Variants in MITF observed in about 807,000 individuals in gnomAD.
The protein encoded by MITF is microphthalmia-associated transcription factor.
A neutral mutation model predicts 60.5 loss-of-function variants in MITF; 17 were observed. The observed-to-expected ratio is 0.28, with a 90% CI of 0.19 to 0.42. The LOEUF (loss-of-function observed/expected upper bound fraction) is 0.42. MITF is among the 10% of genes least tolerant of loss of function. The pLI is 1.00. For synonymous variants in MITF, 260 were observed against 248.5 expected, an observed-to-expected ratio of 1.05 and a Z score of -0.43; for missense variants, 622 against 683.5, an observed-to-expected ratio of 0.91 and a Z score of 1.00.
chr3:69,932,112 T>TCC (rs2065737574), intron 2 of MITF, among the ~76,000 whole-genome samples: 1 of 152,206 alleles, frequency 6.6e-6, no homozygotes, highest in Non-Finnish European at 1.5e-5. Flanking sequence ...AAAACTTCTG[T>TCC]TGAGTAGGAA....
chr3:69,816,832 C>G (rs563325645), intron 1 of MITF, among the ~76,000 whole-genome samples: 2 of 152,082 alleles, frequency 1.3e-5, no homozygotes, highest in South Asian at 2.1e-4. Context: ...TGGTGGTGGT[C>G]GTGGTATTCA....
chr3:69,770,955 G>A (rs916327779), intron 1 of MITF, among the ~76,000 whole-genome samples: 3 of 152,132 alleles, frequency 2.0e-5, no homozygotes, highest in African/African-American at 7.2e-5. Context: ...GTATCCGAAG[G>A]TGGCCACATT....
chr3:69,889,025 G>GTTTTTTTTTTTTTTTTTTT (rs4057977), intron 2 of MITF, among the ~76,000 whole-genome samples: 1 of 58,816 alleles, frequency 1.7e-5, no homozygotes, highest in Non-Finnish European at 3.2e-5. Context: ...ATAGCCTTTG[G>GTTTTTTTTTTTTTTTTTTT]TTTTTTTTTT....
chr3:69,870,416 A>ATG (rs1009452684), intron 1 of MITF, among the ~76,000 whole-genome samples: 12 of 147,782 alleles, frequency 8.1e-5, no homozygotes, highest in African/African-American at 2.7e-4. Flanking sequence ...GTATATATAT[A>ATG]TGTGTGTGTA....
At position 69,803,282 on chromosome 3, in the gene MITF, C is replaced by T. The variant is rs111448096; in HGVS notation, c.104+63581C>T. 4.3e-3 allele frequency among the ~76,000 whole-genome samples: 661 copies of T among 152,294 alleles called. 6 individuals carry two copies. The highest frequency in any genetic ancestry group is 0.015 in the African/African-American group (613 of 41,556). On this transcript the variant is annotated intron_variant, in intron 1 of 9. Coordinates refer to ENST00000352241, the MANE Select transcript of MITF (RefSeq NM_001354604.2). ...TATTCAAAATACATTTGTACACTGC[C>T]GTCTTCTTGGGTATATACCCCCTAA...
At chr3:69,770,926 G>A (rs116385909) in intron 1 of MITF, among the ~76,000 whole-genome samples, 3 of 152,318 alleles carry the variant, frequency 2.0e-5, no homozygotes, top group Non-Finnish European at 2.9e-5. Flanking sequence ...TGTTCTAGGT[G>A]TGGGCTTAGC....
rs536324640 is a variant in MITF, at chr3:69,824,367, G to A, written c.105-54767G>A. On this transcript the variant is annotated intron_variant, in intron 1 of 9. Transcript: ENST00000352241. The stretch of plus-strand genomic sequence containing the variant: ...ATCAATAGCATGCATATGGGGTGTT[G>A]GATTCTTAGAACTTATTGCAATTGC... 2.6e-5 allele frequency among the ~76,000 whole-genome samples: 4 copies of A among 152,168 alleles called. No homozygotes were observed. In the South Asian group the frequency reaches 8.3e-4, roughly 32 times the overall value.
chr3:69,790,329 G>T (rs555736900), intron 1 of MITF, among the ~76,000 whole-genome samples: 3 of 152,232 alleles, frequency 2.0e-5, no homozygotes, highest in African/African-American at 7.2e-5. Context: ...GGGGGAGGGG[G>T]TAGTGGGAAA....
At chr3:69,797,216 A>G (rs2062845386) in intron 1 of MITF, among the ~76,000 whole-genome samples, 1 of 152,230 alleles carries the variant, frequency 6.6e-6, no homozygotes, top group African/African-American at 2.4e-5. Context: ...AGAGTGATAC[A>G]GGAAATCTAA....
At chr3:69,854,658 A>G (rs747967284) in intron 1 of MITF, among the ~76,000 whole-genome samples, 3 of 152,218 alleles carry the variant, frequency 2.0e-5, no homozygotes, top group Non-Finnish European at 4.4e-5. Flanking sequence ...CTTATTGTAC[A>G]ATAGAGTTTT....
At chr3:69,856,146 A>G (rs371984093) in intron 1 of MITF, among the ~76,000 whole-genome samples, 1 of 152,168 alleles carries the variant, frequency 6.6e-6, no homozygotes, top group African/African-American at 2.4e-5. Context: ...GGGCCACTCT[A>G]TCGGGGCTGT....
At chr3:69,886,186 G>A (rs1186588370) in intron 2 of MITF, among the ~76,000 whole-genome samples, 2 of 151,986 alleles carry the variant, frequency 1.3e-5, no homozygotes, top group African/African-American at 4.8e-5. Flanking sequence ...GGTAGCTTGG[G>A]GCTTGTAGCA....
chr3:69,739,545 C>A lies in MITF; in HGVS notation c.-53C>A. 6.7e-7 allele frequency: 1 copy of A among 1,487,482 alleles called. No individual in the cohort carries two copies. The highest frequency in any genetic ancestry group is 9.2e-7 in the Non-Finnish European group (1 of 1,088,698). The allele number at this position is 1,487,482 out of a possible 1,614,324, so 92.1% of individuals were successfully genotyped here. ...CCCAGGCCCAGCTACCTTCCCTCCG[C>A]CCCCGGGCTCTGTTCTCACTTTCCA... On this transcript the variant is annotated 5_prime_UTR_variant, in exon 1 of 10. Coordinates refer to ENST00000352241, the MANE Select transcript of MITF (RefSeq NM_001354604.2).
intron 7 of MITF, among the ~76,000 whole-genome samples, chr3:69,953,274 T>C (rs2066301980): frequency 1.3e-5 from 2 of 152,108 alleles, no homozygotes; most frequent in South Asian, 4.1e-4. Flanking sequence ...CCAAAACTAC[T>C]TAAGTGAGAT....
intron 1 of MITF, among the ~76,000 whole-genome samples, chr3:69,814,259 C>A (rs1392073695): frequency 6.6e-6 from 1 of 152,134 alleles, no homozygotes; most frequent in Non-Finnish European, 1.5e-5. Context: ...ATGACCCAAC[C>A]TTGTGGTATA....
At chr3:69,917,541 T>C (rs1228150800) in intron 2 of MITF, among the ~76,000 whole-genome samples, 1 of 152,114 alleles carries the variant, frequency 6.6e-6, no homozygotes, top group African/African-American at 2.4e-5. Context: ...CAGCATTAAA[T>C]CTCTCCTTAT....
intron 9 of MITF, among the ~76,000 whole-genome samples, chr3:69,963,240 C>T (rs2066594757): frequency 1.3e-5 from 2 of 152,130 alleles, no homozygotes; most frequent in South Asian, 4.1e-4. Flanking sequence ...AAAAATTGTT[C>T]ATCTTATAGA....
chr3:69,880,218 G>A (rs2064454831), intron 2 of MITF, among the ~76,000 whole-genome samples: 1 of 152,058 alleles, frequency 6.6e-6, no homozygotes, highest in South Asian at 2.1e-4. Context: ...TAAACAATGT[G>A]AACTTTACAG....
intron 1 of MITF, among the ~76,000 whole-genome samples, chr3:69,816,875 T>G (rs918208959): frequency 1.3e-5 from 2 of 152,188 alleles, no homozygotes; most frequent in African/African-American, 4.8e-5. Flanking sequence ...GTGAGGATGT[T>G]ACATAGAAAA....
Sources: allele counts gnomAD v4.1 joint callset (sites outside exome capture counted in the v4.1 genomes callset), GRCh38; gene constraint gnomAD v4.1.1; transcripts MANE v1.5; gene names NCBI Gene and HGNC (gene_info 2026-07-23, HGNC 2026-07-21).